Variants in RBFOX3 observed in about 807,000 individuals in gnomAD.
RBFOX3 encodes RNA binding fox-1 homolog 3.
RBFOX3 carries 17 observed loss-of-function variants against 48.7 expected under a neutral mutation model. The ratio of observed to expected loss-of-function variants is 0.35; its 90% confidence interval spans 0.24 to 0.52. The LOEUF (loss-of-function observed/expected upper bound fraction) is 0.52. RBFOX3 is among the 20% of genes least tolerant of loss of function. The probability of loss-of-function intolerance (pLI) is 0.94; values close to 1 mark genes in which losing one functional copy is unlikely to be tolerated. For synonymous variants in RBFOX3, 212 were observed against 209.5 expected (o/e 1.01, Z -0.10); for missense variants, 382 against 497.5 (o/e 0.77, Z 2.21).
At position 79,564,927 on chromosome 17, in the gene RBFOX3, G is replaced by C. The variant is rs1247561062; in HGVS notation, c.-320+45899C>G. 2.6e-5 allele frequency among the ~76,000 whole-genome samples: 4 copies of C among 151,806 alleles called. No homozygotes were observed. The South Asian group carries it at 6.2e-4, about 24-fold the overall frequency. ...GTGCTGGCACACGCCTGTAGTCCCA[G>C]CTATTCAGGGAGCTGAGGCAGGAGA... On this transcript the variant is annotated intron_variant, in intron 1 of 14. Transcript: ENST00000693108.
chr17:79,328,835 A>G (rs993482940), intron 2 of RBFOX3, among the ~76,000 whole-genome samples: 1 of 152,142 alleles, frequency 6.6e-6, no homozygotes, highest in African/African-American at 2.4e-5. Flanking sequence ...CAAGCAGCGC[A>G]GGGTTAGCCG....
rs941299170 is a variant in RBFOX3 at position 79,543,608 on chromosome 17, G to A, written c.-319-61010C>T. ...CAGCTCCTCCTTGATCAGGGCCTCCGAGGAAAAGGAATAAACAAACAAGCT... is the reference window on the plus strand; with the variant it reads ...CAGCTCCTCCTTGATCAGGGCCTCCAAGGAAAAGGAATAAACAAACAAGCT... On this transcript the variant is annotated intron_variant, in intron 1 of 14. Coordinates refer to ENST00000693108, the MANE Select transcript of RBFOX3 (RefSeq NM_001350451.2). Among the ~76,000 whole-genome samples the A allele has an allele frequency of 5.6e-4, 85 of 152,112 alleles. 1 individual carries two copies. The highest frequency in any genetic ancestry group is 1.9e-3 in the African/African-American group (80 of 41,416).
chr17:79,611,163 T>TCGCTCTCGCTCTCG (rs1568454594), upstream of RBFOX3, among the ~76,000 whole-genome samples: 2 of 24,018 alleles, frequency 8.3e-5, no homozygotes, highest in Non-Finnish European at 2.5e-4. Flanking sequence ...TCTCTCTCTC[T>TCGCTCTCGCTCTCG]CTCTCTCTCT....
chr17:79,483,358 C>T (rs952714392), intron 1 of RBFOX3, among the ~76,000 whole-genome samples: 2 of 151,508 alleles, frequency 1.3e-5, no homozygotes, highest in Admixed American at 6.6e-5. Flanking sequence ...TCCACACAGG[C>T]GCATGCCTCC....
rs879903980 is a variant in RBFOX3 at position 79,299,907 on chromosome 17, C to CTTT, written c.-74+7814_-74+7816dup. 7.0e-6 allele frequency among the ~76,000 whole-genome samples: 1 copy of CTTT among 143,546 alleles called. No homozygotes were observed. The highest frequency in any genetic ancestry group is 1.5e-5 in the Non-Finnish European group (1 of 65,002). The allele number at this position is 143,546 out of a possible 152,430, so 94.2% of individuals were successfully genotyped here. On this transcript the variant is annotated intron_variant, in intron 3 of 14. Coordinates refer to ENST00000693108, the MANE Select transcript of RBFOX3 (RefSeq NM_001350451.2). This position sits in a 1 kb window ranked among gnomAD's most constrained non-coding sequence, Gnocchi z 4.5. Reference sequence around the variant, plus strand: ...GCCTCCAAAGGAATCTGCCGACACTCTTTTTTTTTTTTTTTGAGACAGTGT... The same window carrying CTTT: ...GCCTCCAAAGGAATCTGCCGACACTCTTTTTTTTTTTTTTTTTTGAGACAGTGT...
At position 79,390,102 on chromosome 17, in the gene RBFOX3, C is replaced by G. The variant is rs1005090787; in HGVS notation, c.-174-82278G>C. Among the ~76,000 whole-genome samples the G allele has an allele frequency of 2.6e-5, 4 of 152,132 alleles. No homozygotes were observed. Among genetic ancestry groups the G allele is most frequent in the African/African-American group, 9.7e-5 (4 of 41,432 alleles). ...CGGGTCTCCGCAGCCTCCGGGTCTC[C>G]GTAGCCAGCCACCCGGCCGAGGGGC... is the stretch of plus-strand genomic sequence containing the variant. On this transcript the variant is annotated intron_variant, in intron 2 of 14. Transcript: ENST00000693108. The surrounding 1 kb of genome is among the most constrained non-coding windows in gnomAD (Gnocchi z 4.2).
chr17:79,451,801 G>A (rs552952775), intron 2 of RBFOX3, among the ~76,000 whole-genome samples: 1 of 152,228 alleles, frequency 6.6e-6, no homozygotes. Flanking sequence ...AGATCATCAT[G>A]AGTACTGAAT....
In RBFOX3 at chr17:79,390,508, G is replaced by A. The variant is rs971249832; in HGVS notation, c.-174-82684C>T. 1.6e-4 allele frequency among the ~76,000 whole-genome samples: 24 copies of A among 147,060 alleles called. No individual in the cohort carries two copies. Among genetic ancestry groups the A allele is most frequent in the African/African-American group, 5.6e-4 (22 of 39,526 alleles). ...TTTTTTTTTTTTTAGATGGAGTCTC[G>A]CTCTTGTCGCCCAGGCTGGAGTGCA... On this transcript the variant is annotated intron_variant, in intron 2 of 14. Transcript: ENST00000693108. This position sits in a 1 kb window ranked among gnomAD's most constrained non-coding sequence, Gnocchi z 4.2.
intron 3 of RBFOX3, among the ~76,000 whole-genome samples, chr17:79,263,944 G>C (rs2066230073): frequency 6.6e-6 from 1 of 152,060 alleles, no homozygotes; most frequent in Admixed American, 6.5e-5. Context: ...ATAAGAGAAA[G>C]GAGGGAGGCT....
chr17:79,472,330 C>T (rs1488462004), intron 2 of RBFOX3, among the ~76,000 whole-genome samples: 9 of 152,206 alleles, frequency 5.9e-5, no homozygotes, highest in Admixed American at 1.3e-4. Flanking sequence ...AGAAAATTCC[C>T]GTGCACCCTT....
intron 1 of RBFOX3, among the ~76,000 whole-genome samples, chr17:79,549,692 G>T (rs1555793032): frequency 3.3e-5 from 5 of 152,180 alleles, no homozygotes. Flanking sequence ...GGCACAGCAG[G>T]TGCTGCTCCC....
intron 2 of RBFOX3, among the ~76,000 whole-genome samples, chr17:79,467,184 C>A (rs1336475077): frequency 1.3e-5 from 2 of 152,044 alleles, no homozygotes; most frequent in African/African-American, 4.8e-5. Context: ...CGGGCTGCTG[C>A]AGACGGGGGG....
chr17:79,450,356 C>T (rs923087352), intron 2 of RBFOX3, among the ~76,000 whole-genome samples: 10 of 152,082 alleles, frequency 6.6e-5, no homozygotes, highest in South Asian at 2.1e-4. Flanking sequence ...AAGAATAAAA[C>T]GGGGAAAAAA....
chr17:79,243,703 C>T lies in RBFOX3; in HGVS notation c.-73-7898G>A, dbSNP rs1238908591. Among the ~76,000 whole-genome samples the T allele has an allele frequency of 2.0e-5, 3 of 152,144 alleles. No homozygotes were observed. Among genetic ancestry groups the T allele is most frequent in the Non-Finnish European group, 4.4e-5 (3 of 68,030 alleles). On this transcript the variant is annotated intron_variant, in intron 3 of 14. Coordinates refer to ENST00000693108, the MANE Select transcript of RBFOX3 (RefSeq NM_001350451.2). The surrounding 1 kb of genome is among the most constrained non-coding windows in gnomAD (Gnocchi z 7.9). Reference sequence around the variant, plus strand: ...CTGAGCACCCTTGACAACACCCAAGCTGTGCCACAGACACCATAGTGTATC... The same window carrying T: ...CTGAGCACCCTTGACAACACCCAAGTTGTGCCACAGACACCATAGTGTATC...
intron 4 of RBFOX3, among the ~76,000 whole-genome samples, chr17:79,215,069 G>A (rs976609163): frequency 1.3e-5 from 2 of 152,134 alleles, no homozygotes; most frequent in African/African-American, 4.8e-5. Flanking sequence ...CTGGCTCCCT[G>A]CCCTTCCCCT....
chr17:79,619,759 G>C, the RBFOX3 span, among the ~76,000 whole-genome samples: 1 of 152,036 alleles, frequency 6.6e-6, no homozygotes, highest in Non-Finnish European at 1.5e-5. Context: ...CGGACAGGGT[G>C]TCACCCAGGA....
chr17:79,360,962 T>C (rs903140251), intron 2 of RBFOX3, among the ~76,000 whole-genome samples: 1 of 152,088 alleles, frequency 6.6e-6, no homozygotes, highest in African/African-American at 2.4e-5. Context: ...TGAGTAATTG[T>C]TGGGAGAGAG....
intron 2 of RBFOX3, among the ~76,000 whole-genome samples, chr17:79,437,928 G>A (rs1039030000): frequency 3.0e-4 from 44 of 147,842 alleles, no homozygotes; most frequent in East Asian, 1.8e-3. Flanking sequence ...ACATGCACAC[G>A]CATTCACACA....
intron 1 of RBFOX3, among the ~76,000 whole-genome samples, chr17:79,565,738 C>T (rs1292071482): frequency 6.6e-6 from 1 of 151,990 alleles, no homozygotes; most frequent in Non-Finnish European, 1.5e-5. Flanking sequence ...AACATAAGAC[C>T]CTGGCAGTGC....
Sources: gnomAD v4.1 joint callset for allele counts (sites outside exome capture counted in the v4.1 genomes callset) on GRCh38, gnomAD v4.1.1 for gene constraint, Gnocchi (gnomAD v3.1) non-coding constraint, MANE v1.5 for transcripts, NCBI Gene and HGNC (gene_info 2026-07-23, HGNC 2026-07-21) for gene names.